Variants in NECTIN3 observed in about 807,000 individuals in gnomAD.
NECTIN3 encodes the protein nectin-3.
In NECTIN3, 8 loss-of-function variants were observed where a neutral mutation model predicts 49.4. The observed-to-expected ratio is 0.16, with a 90% CI of 0.10 to 0.29. The LOEUF is 0.29. Ranked by LOEUF, NECTIN3 falls within the 10% of genes least tolerant of loss-of-function variation. NECTIN3 has a pLI of 1.00. For missense variants in NECTIN3, 581 were observed against 654.6 expected, an observed-to-expected ratio of 0.89 and a Z score of 1.23; for synonymous variants, 277 against 241.1, an observed-to-expected ratio of 1.15 and a Z score of -1.38.
intron 1 of NECTIN3, among the ~76,000 whole-genome samples, chr3:111,089,344 ATTTC>A: frequency 6.7e-6 from 1 of 149,576 alleles, no homozygotes; most frequent in East Asian, 2.0e-4. Flanking sequence ...AGAGGGGCTT[ATTTC>A]TTATTCTTTT....
chr3:111,072,207 T>G, intron 1 of NECTIN3, 30 bp downstream of exon 1: 1 of 1,526,328 alleles, frequency 6.6e-7, no homozygotes, highest in Non-Finnish European at 8.8e-7. Flanking sequence ...CGGCGTGGGC[T>G]GAGGGAGCCG....
intron 5 of NECTIN3, 93 bp downstream of exon 5, chr3:111,126,428 A>G (rs2034165852): frequency 9.3e-7 from 1 of 1,078,878 alleles, no homozygotes. Flanking sequence ...TTGTACTTGT[A>G]AAGATACAGA....
chr3:111,134,507 A>G lies in NECTIN3; in HGVS notation c.*292A>G. On this transcript the variant is annotated 3_prime_UTR_variant, in exon 6 of 6. Coordinates refer to ENST00000485303, the MANE Select transcript of NECTIN3 (RefSeq NM_015480.3). ...AAGAAGAAATGTCAACATTAAATGTATGACTTACTTGGTACAAAAATTTTT... is the reference window on the plus strand; with the variant it reads ...AAGAAGAAATGTCAACATTAAATGTGTGACTTACTTGGTACAAAAATTTTT... 1 of 1,035,886 alleles carries G rather than the reference A, an allele frequency of 9.7e-7. No individual in the cohort carries two copies. The highest frequency in any genetic ancestry group is 1.2e-6 in the Non-Finnish European group (1 of 858,420). The allele number at this position is 1,035,886 out of a possible 1,614,324, so 64.2% of individuals were successfully genotyped here.
Position 111,133,614 on chromosome 3 carries a change from T to C in NECTIN3, c.1070-21T>C, listed in dbSNP as rs762322441. The C allele has an allele frequency of 1.9e-6, 3 of 1,599,406 alleles. No homozygotes were observed. The African/African-American group carries it at 4.0e-5, about 21-fold the overall frequency. On this transcript the variant is annotated intron_variant, in intron 5 of 5. Coordinates refer to ENST00000485303, the MANE Select transcript of NECTIN3 (RefSeq NM_015480.3). ...ATTCTTTGCCTTTCTGTGTCTTCTC[T>C]ATCTTTACTGTTTCCATTAGATCCT...
At position 111,134,152 on chromosome 3, in the gene NECTIN3, C is replaced by T. The variant is rs34163852; in HGVS notation, c.1587C>T (p.Asn529=). 16,409 of 1,612,094 alleles carry T rather than the reference C, an allele frequency of 0.01. 103 individuals are homozygous for T. The highest frequency in any genetic ancestry group is 0.018 in the Middle Eastern group (111 of 6,050). ...KFVSDEHYDE[N]EDDLVSHVDG... is the part of the protein sequence containing the mutation. ...TCAGTGATGAACATTATGATGAAAACGAAGATGACTTAGTTTCACATGTAG... is the reference window on the plus strand; with the variant it reads ...TCAGTGATGAACATTATGATGAAAATGAAGATGACTTAGTTTCACATGTAG... The change falls in exon 6 of 6, where the codon AAC becomes AAT. Residue 529 remains asparagine, a synonymous_variant. Transcript: ENST00000485303.
intron 5 of NECTIN3, among the ~76,000 whole-genome samples, chr3:111,144,224 AAG>A (rs2034819170): frequency 6.6e-6 from 1 of 152,020 alleles, no homozygotes; most frequent in Non-Finnish European, 1.5e-5. Context: ...CAGTGTGGGA[AAG>A]AGAAGTTGGT....
chr3:111,183,648 G>GT (rs913685134), intron 7 of NECTIN3, among the ~76,000 whole-genome samples: 53 of 148,602 alleles, frequency 3.6e-4, no homozygotes, highest in Middle Eastern at 3.6e-3. Flanking sequence ...TAGAATTCTA[G>GT]TTTTTTTTTT....
intron 1 of NECTIN3, among the ~76,000 whole-genome samples, chr3:111,076,791 A>G (rs1037096937): frequency 4.6e-5 from 7 of 152,094 alleles, no homozygotes; most frequent in Middle Eastern, 3.4e-3. Flanking sequence ...CCTGGCCAAT[A>G]TGGCGAAACC....
chr3:111,118,665 C>T lies in NECTIN3; in HGVS notation c.512C>T (p.Thr171Ile), dbSNP rs572328559. 1 of 1,595,800 alleles carries T rather than the reference C, an allele frequency of 6.3e-7. No homozygotes were observed. The highest frequency in any genetic ancestry group is 1.4e-5 in the African/African-American group (1 of 74,052). The change falls in exon 3 of 6, where the codon ACT becomes ATT. Residue 171 changes from threonine to isoleucine, a missense_variant. By Grantham distance (89) the Thr-to-Ile change is moderately conservative. This residue lies in a region of NECTIN3 where 234 missense variants were observed against 340.6 expected (regional missense o/e 0.69). Transcript: ENST00000485303. ...STTVTVLVEP[T>I]VSLIKGPDSL... ...AAAAATATTTAAACAGTTGAACCCA[C>T]TGTGAGCCTGATAAAAGGGCCAGAT...
chr3:111,174,520 C>T (rs1032494855), intron 7 of NECTIN3, among the ~76,000 whole-genome samples: 1 of 152,110 alleles, frequency 6.6e-6, no homozygotes, highest in Non-Finnish European at 1.5e-5. Flanking sequence ...AATTCCAAAA[C>T]ACATCTGGTC....
intron 7 of NECTIN3, among the ~76,000 whole-genome samples, chr3:111,174,421 C>T (rs1036899990): frequency 1.3e-5 from 2 of 151,982 alleles, no homozygotes; most frequent in African/African-American, 2.4e-5. Context: ...TGTGCTTGAC[C>T]GTGGGGTTCT....
At chr3:111,072,675 G>C in intron 1 of NECTIN3, 1 of 1,183,490 alleles carries the variant, frequency 8.4e-7, no homozygotes, top group South Asian at 1.4e-5. Context: ...CCACCCAGCC[G>C]CAGAATCCCC....
At chr3:111,074,375 G>A (rs1431161844) in intron 1 of NECTIN3, 5 of 355,728 alleles carry the variant, frequency 1.4e-5, no homozygotes, top group Non-Finnish European at 2.9e-5. Flanking sequence ...GCCAGTTTTA[G>A]AGTTGAAAAG....
At chr3:111,185,560 A>G (rs959167494) in intron 7 of NECTIN3, among the ~76,000 whole-genome samples, 1 of 152,230 alleles carries the variant, frequency 6.6e-6, no homozygotes, top group Admixed American at 6.5e-5. Flanking sequence ...GGCAAGATAT[A>G]TCAATCAAAT....
At chr3:111,144,421 A>ATT (rs569889197) in intron 5 of NECTIN3, among the ~76,000 whole-genome samples, 4,011 of 151,584 alleles carry the variant, frequency 0.026, 119 homozygotes, top group African/African-American at 0.077. Flanking sequence ...GTCCAATGTC[A>ATT]ATTTTTTTTG....
At chr3:111,130,992 G>T (rs750084045) in intron 5 of NECTIN3, among the ~76,000 whole-genome samples, 1 of 151,948 alleles carries the variant, frequency 6.6e-6, no homozygotes, top group Non-Finnish European at 1.5e-5. Flanking sequence ...AGGTCATATT[G>T]ATTTTAGGAT....
upstream of NECTIN3, among the ~76,000 whole-genome samples, chr3:111,190,747 A>G (rs531777377): frequency 2.6e-5 from 4 of 152,358 alleles, no homozygotes; most frequent in Admixed American, 6.5e-5. Flanking sequence ...AGGTTTCAAC[A>G]TATGAATTTT....
chr3:111,087,697 T>A (rs2107381535), intron 1 of NECTIN3, among the ~76,000 whole-genome samples: 1 of 152,084 alleles, frequency 6.6e-6, no homozygotes, highest in South Asian at 2.1e-4. Context: ...ATTTAATTTT[T>A]TTTTTTTTAA....
chr3:111,112,037 A>C lies in NECTIN3; in HGVS notation c.168A>C (p.Leu56Phe). The change falls in exon 2 of 6, where the codon TTA becomes TTC. Residue 56 changes from leucine to phenylalanine, a missense_variant. Leu to Phe is a conservative substitution (Grantham distance 22). This residue lies in a region of NECTIN3 where 109 missense variants were observed against 69.1 expected (regional missense o/e 1.58). Coordinates refer to ENST00000485303, the MANE Select transcript of NECTIN3 (RefSeq NM_015480.3). ...LLLFSRLCGA[L>F]AGPIIVEPHV... ...CTTTTTTTTCCTCCATAGGTGCCTT[A>C]GCTGGACCAATTATTGTGGAGCCAC... The C allele has an allele frequency of 6.2e-7, 1 of 1,606,722 alleles. No individual in the cohort carries two copies. The highest frequency in any genetic ancestry group is 8.5e-7 in the Non-Finnish European group (1 of 1,175,566).
Sources: allele counts gnomAD v4.1 joint callset (sites outside exome capture counted in the v4.1 genomes callset), GRCh38; gene constraint gnomAD v4.1.1; regional missense constraint gnomAD v4.1.1; transcripts MANE v1.5; gene names NCBI Gene and HGNC (gene_info 2026-07-23, HGNC 2026-07-21).